The following MME variants were observed in gnomAD, a reference collection of about 807,000 sequenced individuals.
The protein encoded by MME is membrane metalloendopeptidase, also known as neprilysin.
A neutral mutation model predicts 113.2 loss-of-function variants in MME; 98 were observed. The observed-to-expected ratio is 0.87, with a 90% CI of 0.74 to 1.02. MME has a LOEUF of 1.02. MME is among the 50% of genes least tolerant of loss of function. The pLI is 0.00. For synonymous variants in MME, 292 were observed against 300.6 expected, an observed-to-expected ratio of 0.97 and a Z score of 0.30; for missense variants, 836 against 896.0, an observed-to-expected ratio of 0.93 and a Z score of 0.86.
intron 22 of MME, among the ~76,000 whole-genome samples, chr3:155,173,183 A>C (rs940792557): frequency 6.6e-6 from 1 of 151,956 alleles, no homozygotes. Context: ...ACAATGATTG[A>C]AGAGAGTCAC....
chr3:155,137,144 A>G (rs1206949583), intron 8 of MME, among the ~76,000 whole-genome samples: 1 of 152,208 alleles, frequency 6.6e-6, no homozygotes, highest in African/African-American at 2.4e-5. Flanking sequence ...AAGATAAAAT[A>G]TAAATAATTT....
At chr3:155,080,772 A>G (rs1441624624) in intron 1 of MME, among the ~76,000 whole-genome samples, 1 of 152,118 alleles carries the variant, frequency 6.6e-6, no homozygotes, top group African/African-American at 2.4e-5. Context: ...TTCCTCCCCC[A>G]TATATGATTC....
chr3:155,118,829 A>T lies in MME; in HGVS notation c.720+18A>T, dbSNP rs1219464170. The T allele has an allele frequency of 6.8e-7, 1 of 1,460,314 alleles. No homozygotes were observed. The highest frequency in any genetic ancestry group is 2.3e-5 in the East Asian group (1 of 42,786). The allele number at this position is 1,460,314 out of a possible 1,614,324, so 90.5% of individuals were successfully genotyped here. ...ATAAAGAGGTAAAAAGAAAAAAAAT[A>T]ATCAAAACCAAACTACAAAATGATC... On this transcript the variant is annotated intron_variant, in intron 8 of 22. Transcript: ENST00000360490.
At position 155,098,632 on chromosome 3, in the gene MME, GAAAC is replaced by G. The variant is rs141688081; in HGVS notation, c.196+13554_196+13557del. 4.6e-3 allele frequency among the ~76,000 whole-genome samples: 705 copies of G among 151,840 alleles called. 4 individuals carry two copies. The highest frequency in any genetic ancestry group is 0.014 in the African/African-American group (595 of 41,432). On this transcript the variant is annotated intron_variant, in intron 3 of 22. Coordinates refer to ENST00000360490, the MANE Select transcript of MME (RefSeq NM_007289.4). ...ACAGGTGTAGAGGGAATAAAGAAATGAAACAAACAAACAAACAAAAAACACTTCT... is the reference window on the plus strand; with the variant it reads ...ACAGGTGTAGAGGGAATAAAGAAATGAAACAAACAAACAAAAAACACTTCT...
intron 3 of MME, among the ~76,000 whole-genome samples, chr3:155,095,727 T>C (rs907345536): frequency 1.3e-5 from 2 of 151,974 alleles, no homozygotes; most frequent in African/African-American, 4.8e-5. Flanking sequence ...TTCTAAACAT[T>C]GAACACTAGA....
chr3:155,033,581 T>C (rs1713041486), intron 1 of MME, among the ~76,000 whole-genome samples: 1 of 152,182 alleles, frequency 6.6e-6, no homozygotes, highest in Admixed American at 6.5e-5. Flanking sequence ...TTGAATTTTT[T>C]ACAGTTTAAA....
rs752570847 is a variant in MME at position 155,115,110 on chromosome 3, G to A, written c.313G>A (p.Gly105Ser). The change falls in exon 4 of 23, where the codon GGC becomes AGC. Residue 105 changes from glycine (G) to serine (S), a missense_variant. Transcript: ENST00000360490. ...CATTCCCGAGACCAGCTCCCGTTACGGCAACTTTGACATTTTAAGAGATGA... is the reference window on the plus strand; with the variant it reads ...CATTCCCGAGACCAGCTCCCGTTACAGCAACTTTGACATTTTAAGAGATGA... ...NVIPETSSRY[G>S]NFDILRDELE... 17 of 1,613,866 alleles carry A rather than the reference G, an allele frequency of 1.1e-5. No individual in the cohort carries two copies. The highest frequency in any genetic ancestry group is 1.6e-4 in the Middle Eastern group (1 of 6,082).
chr3:155,118,597 C>G lies in MME; in HGVS notation c.655-149C>G, dbSNP rs572492924. 4.9e-5 allele frequency: 32 copies of G among 647,258 alleles called. No individual in the cohort carries two copies. In the East Asian group the frequency reaches 8.6e-4, roughly 17 times the overall value. 40.1% of individuals were successfully genotyped at this position (647,258 alleles called of 1,614,324 possible). ...CTTACAAGTAGTGTAGAAAGCATTT[C>G]CTAACTAGGTATTTATTGAGTGTCT... On this transcript the variant is annotated intron_variant, in intron 7 of 22. Transcript: ENST00000360490.
At chr3:155,040,391 CT>C (rs1428993632) in intron 1 of MME, among the ~76,000 whole-genome samples, 1 of 151,998 alleles carries the variant, frequency 6.6e-6, no homozygotes, top group Non-Finnish European at 1.5e-5. Flanking sequence ...GAACTGATGC[CT>C]GAACAGACAC....
intron 3 of MME, among the ~76,000 whole-genome samples, chr3:155,098,839 A>T (rs578256098): frequency 1.3e-5 from 2 of 152,218 alleles, no homozygotes; most frequent in East Asian, 3.9e-4. Context: ...GCTAGAGTGT[A>T]GCAGAGGTTG....
intron 1 of MME, among the ~76,000 whole-genome samples, chr3:155,032,206 T>C (rs1433396117): frequency 6.6e-6 from 1 of 152,236 alleles, no homozygotes; most frequent in South Asian, 2.1e-4. Context: ...AAAGATCTTG[T>C]AGGAGAAATT....
chr3:155,115,625 C>T (rs1049283704), intron 4 of MME, among the ~76,000 whole-genome samples: 12 of 152,184 alleles, frequency 7.9e-5, no homozygotes, highest in African/African-American at 2.9e-4. Flanking sequence ...GACGGGGTTT[C>T]ACCATGTTGG....
chr3:155,116,917 T>C lies in MME; in HGVS notation c.585T>C (p.Tyr195=). The change falls in exon 7 of 23, where the codon TAT becomes TAC. Residue 195 remains tyrosine (Y), a synonymous_variant. Coordinates refer to ENST00000360490, the MANE Select transcript of MME (RefSeq NM_007289.4). ...CTATTGCACAACTGAATTCTAAATA[T>C]GGGAAAAAAGTCCTTATTAATTTGT... The part of the protein sequence containing the change: ...EKAIAQLNSK[Y]GKKVLINLFV... The C allele has an allele frequency of 6.2e-7, 1 of 1,612,634 alleles. No homozygotes were observed. Among genetic ancestry groups the C allele is most frequent in the Non-Finnish European group, 8.5e-7 (1 of 1,178,958 alleles).
intron 1 of MME, among the ~76,000 whole-genome samples, chr3:155,026,755 A>C (rs2108110550): frequency 6.6e-6 from 1 of 152,254 alleles, no homozygotes; most frequent in Non-Finnish European, 1.5e-5. Context: ...AGCAAGCAAG[A>C]AAGAAAAAGA....
At chr3:155,102,498 C>T (rs2108219831) in intron 3 of MME, among the ~76,000 whole-genome samples, 1 of 152,266 alleles carries the variant, frequency 6.6e-6, no homozygotes, top group South Asian at 2.1e-4. Flanking sequence ...CATGGTCATC[C>T]ATTTTGCAGT....
intron 1 of MME, among the ~76,000 whole-genome samples, chr3:155,072,167 CA>C (rs71155031): frequency 0.025 from 1,643 of 64,944 alleles, 5 homozygotes; most frequent in African/African-American, 0.092. Flanking sequence ...GACTCCGTCT[CA>C]AAAAAAAAAA....
chr3:155,045,498 G>T (rs531433845), intron 1 of MME, among the ~76,000 whole-genome samples: 1 of 150,524 alleles, frequency 6.6e-6, no homozygotes, highest in Admixed American at 6.6e-5. Context: ...GGTAGTTGTG[G>T]TTTGGATCTT....
intron 3 of MME, among the ~76,000 whole-genome samples, chr3:155,102,422 G>A (rs114341505): frequency 0.044 from 6,661 of 152,142 alleles, 171 homozygotes; most frequent in Middle Eastern, 0.051. Flanking sequence ...CAAAAATTGT[G>A]CATATCATAC....
At chr3:155,162,869 C>A (rs1189981475) in intron 17 of MME, among the ~76,000 whole-genome samples, 1 of 151,306 alleles carries the variant, frequency 6.6e-6, no homozygotes, top group African/African-American at 2.4e-5. Context: ...AAAAATTAGC[C>A]CAGTGTGGTG....
Sources: gnomAD v4.1 joint callset for allele counts (sites outside exome capture counted in the v4.1 genomes callset) on GRCh38, gnomAD v4.1.1 for gene constraint, MANE v1.5 for transcripts, NCBI Gene and HGNC (gene_info 2026-07-23, HGNC 2026-07-21) for gene names.